The following SFRP1 variants were observed in gnomAD, a reference collection of about 807,000 sequenced individuals.
SFRP1 encodes the protein secreted frizzled-related protein 1.
In SFRP1, 9 loss-of-function variants were observed where a neutral mutation model predicts 25.9. That is an observed-to-expected ratio of 0.35 (90% CI 0.21 to 0.61). The LOEUF is 0.61. SFRP1 is among the 20% of genes least tolerant of loss of function. The probability of loss-of-function intolerance (pLI) is 0.78; values close to 1 mark genes in which losing one functional copy is unlikely to be tolerated. For synonymous variants in SFRP1, 178 were observed against 174.0 expected (o/e 1.02, Z -0.18); for missense variants, 346 against 418.2 (o/e 0.83, Z 1.51).
At chr8:41,295,529 CA>C (rs11408385) in intron 2 of SFRP1, among the ~76,000 whole-genome samples, 94 of 142,862 alleles carry the variant, frequency 6.6e-4, no homozygotes, top group Admixed American at 6.9e-4. Context: ...GAGGCTGTCT[CA>C]AAAAAAAAAA....
intron 2 of SFRP1, among the ~76,000 whole-genome samples, chr8:41,273,792 G>A (rs76493533): frequency 0.054 from 8,278 of 152,166 alleles, 288 homozygotes; most frequent in Middle Eastern, 0.095. Flanking sequence ...GGCTGGAAAC[G>A]TGTGTGTGTC....
chr8:41,271,320 A>G (rs1307033380), intron 2 of SFRP1: 1 of 154,116 alleles, frequency 6.5e-6, no homozygotes, highest in Non-Finnish European at 1.5e-5. Context: ...CAGAGACTGT[A>G]ACATACAAAA....
chr8:41,299,130 G>A (rs553424459), intron 2 of SFRP1, among the ~76,000 whole-genome samples: 1 of 150,330 alleles, frequency 6.7e-6, no homozygotes, highest in South Asian at 2.1e-4. Flanking sequence ...CAAGAAGGCT[G>A]CTCAGAAAGA....
intron 2 of SFRP1, among the ~76,000 whole-genome samples, chr8:41,295,195 T>TA (rs1390399264): frequency 5.9e-5 from 9 of 152,094 alleles, no homozygotes; most frequent in Admixed American, 5.9e-4. Flanking sequence ...ACCCCATCTC[T>TA]ACTAAAAATA....
intron 2 of SFRP1, among the ~76,000 whole-genome samples, chr8:41,269,259 A>T (rs555597007): frequency 3.1e-4 from 47 of 152,318 alleles, no homozygotes; most frequent in Non-Finnish European, 5.4e-4. Flanking sequence ...AAAAAATTTT[A>T]AAAATTATGT....
At chr8:41,289,927 C>A (rs894325137) in intron 2 of SFRP1, among the ~76,000 whole-genome samples, 2 of 152,336 alleles carry the variant, frequency 1.3e-5, no homozygotes, top group African/African-American at 4.8e-5. Flanking sequence ...GAGGAAGTGA[C>A]CCTCGGGCCT....
chr8:41,280,917 A>G (rs1803627771), intron 2 of SFRP1, among the ~76,000 whole-genome samples: 1 of 152,228 alleles, frequency 6.6e-6, no homozygotes, highest in African/African-American at 2.4e-5. Context: ...CTTTCTAAGT[A>G]TCTCTACCAA....
intron 1 of SFRP1, among the ~76,000 whole-genome samples, chr8:41,307,541 T>C (rs1804013629): frequency 6.6e-6 from 1 of 152,126 alleles, no homozygotes; most frequent in South Asian, 2.1e-4. Context: ...CAAAAAGCCC[T>C]CAGGAAGCCT....
At chr8:41,267,552 C>T (rs765796713) in intron 2 of SFRP1, among the ~76,000 whole-genome samples, 62 of 152,218 alleles carry the variant, frequency 4.1e-4, no homozygotes, top group Admixed American at 7.2e-4. Context: ...TCCACCCACA[C>T]ACCCTGAGGA....
chr8:41,272,299 A>T lies in SFRP1; in HGVS notation c.623-6810T>A, dbSNP rs189638228. Among the ~76,000 whole-genome samples, 63 of 152,344 alleles carry T rather than the reference A, an allele frequency of 4.1e-4. 1 individual carries two copies. The highest frequency in any genetic ancestry group is 1.5e-3 in the African/African-American group (61 of 41,580). On this transcript the variant is annotated intron_variant, in intron 2 of 2. Transcript: ENST00000220772. The stretch of plus-strand genomic sequence containing the variant: ...TTCAATAACAGAAAATCAATAAATA[A>T]TGGTTTTAAGATAAGGTTAAAGAGG...
At chr8:41,270,647 G>A (rs1471895019) in intron 2 of SFRP1, among the ~76,000 whole-genome samples, 1 of 151,970 alleles carries the variant, frequency 6.6e-6, no homozygotes, top group Non-Finnish European at 1.5e-5. Context: ...CCAGGTGGCT[G>A]CCCTCACCAA....
rs745486439 is a variant in SFRP1, at chr8:41,308,621, G to A, written c.539C>T (p.Pro180Leu). The A allele has an allele frequency of 2.1e-5, 33 of 1,595,982 alleles. No homozygotes were observed. The Admixed American group carries it at 4.6e-4, about 22-fold the overall frequency. The change falls in exon 1 of 3, where the codon CCC becomes CTC. Residue 180 changes from proline to leucine, a missense_variant. Physicochemically the swap from Pro to Leu is moderately conservative, Grantham distance 98. Transcript: ENST00000220772. The stretch of plus-strand genomic sequence containing the variant: ...GTGGGAGGAGGCAGCCTTACCTTGG[G>A]GCTTGGAGGCTTCGGTGGCATTGGG... Reference protein sequence around the residue: ...TPPNATEASKPQGTTVCPPCD... With the variant: ...TPPNATEASKLQGTTVCPPCD...
intron 2 of SFRP1, among the ~76,000 whole-genome samples, chr8:41,295,659 C>A (rs924290881): frequency 1.3e-5 from 2 of 152,112 alleles, no homozygotes; most frequent in African/African-American, 4.8e-5. Context: ...GCAGCACTCA[C>A]AGAACTCAAC....
In SFRP1 at chr8:41,265,126, ACCCC is replaced by A; in HGVS notation, c.*37_*40del. ...CCGGGGCACTGTCCCCCCCGCTCCC[ACCCC>A]ACCCGAGGCTCCCTCCCCACCCTGC... On this transcript the variant is annotated 3_prime_UTR_variant, in exon 3 of 3. Transcript: ENST00000220772. 4.4e-5 allele frequency: 6 copies of A among 136,956 alleles called. No homozygotes were observed. The highest frequency in any genetic ancestry group is 1.4e-4 in the East Asian group (1 of 7,228). 8.5% of individuals were successfully genotyped at this position (136,956 alleles called of 1,614,324 possible).
chr8:41,308,404 C>G (rs1027026281), intron 1 of SFRP1, among the ~76,000 whole-genome samples: 1 of 152,248 alleles, frequency 6.6e-6, no homozygotes, highest in Non-Finnish European at 1.5e-5. Flanking sequence ...CCAGCCCCGC[C>G]GTGCACCTGG....
intron 2 of SFRP1, among the ~76,000 whole-genome samples, chr8:41,273,673 T>C (rs1803538708): frequency 6.6e-6 from 1 of 152,168 alleles, no homozygotes; most frequent in South Asian, 2.1e-4. Flanking sequence ...ACCAAAGGTC[T>C]AACCTAAGAA....
intron 2 of SFRP1, among the ~76,000 whole-genome samples, chr8:41,267,369 AAC>A: frequency 6.6e-6 from 1 of 152,242 alleles, no homozygotes; most frequent in East Asian, 1.9e-4. Context: ...AAGCAGACTG[AAC>A]ACACAGTGTC....
At chr8:41,270,740 T>C (rs1803493319) in intron 2 of SFRP1, among the ~76,000 whole-genome samples, 2 of 151,222 alleles carry the variant, frequency 1.3e-5, no homozygotes, top group East Asian at 3.9e-4. Flanking sequence ...GGAGAATCGC[T>C]TGAACCCGGG....
intron 2 of SFRP1, among the ~76,000 whole-genome samples, chr8:41,297,568 A>G (rs931071919): frequency 6.6e-6 from 1 of 152,178 alleles, no homozygotes; most frequent in Non-Finnish European, 1.5e-5. Flanking sequence ...CAGATTGAAC[A>G]GCCACCATAT....
Sources: gnomAD v4.1 joint callset for allele counts (sites outside exome capture counted in the v4.1 genomes callset) on GRCh38, gnomAD v4.1.1 for gene constraint, MANE v1.5 for transcripts, NCBI Gene and HGNC (gene_info 2026-07-23, HGNC 2026-07-21) for gene names.